MAGI1: variants seen among roughly 807,000 people sequenced by gnomAD.
MAGI1 encodes the protein membrane-associated guanylate kinase, WW and PDZ domain-containing protein 1.
A neutral mutation model predicts 139.9 loss-of-function variants in MAGI1; 58 were observed. That is an observed-to-expected ratio of 0.41 (90% CI 0.34 to 0.52). MAGI1 has a LOEUF of 0.52. MAGI1 is among the 20% of genes least tolerant of loss of function. The pLI, the probability that MAGI1 is intolerant of heterozygous loss-of-function variation, is 0.12. For synonymous variants in MAGI1, 812 were observed against 737.9 expected, an observed-to-expected ratio of 1.10 and a Z score of -1.63; for missense variants, 1,874 against 1,901.6, an observed-to-expected ratio of 0.99 and a Z score of 0.27.
At chr3:65,417,912 A>C (rs772856013) in intron 12 of MAGI1, among the ~76,000 whole-genome samples, 5 of 152,158 alleles carry the variant, frequency 3.3e-5, no homozygotes, top group Non-Finnish European at 7.4e-5. Flanking sequence ...CTATATTTCA[A>C]AGCACTGCTT....
At chr3:65,382,162 T>C in intron 15 of MAGI1, 93 bp from the exon 16 acceptor site, 6 of 1,104,686 alleles carry the variant, frequency 5.4e-6, no homozygotes, top group Non-Finnish European at 6.6e-6. Context: ...ATTCATTCAT[T>C]CATGTCTGCA....
chr3:65,509,132 G>C (rs529556041), intron 2 of MAGI1, among the ~76,000 whole-genome samples: 16 of 151,988 alleles, frequency 1.1e-4, no homozygotes, highest in Admixed American at 8.5e-4. Flanking sequence ...AAGAGTCAAA[G>C]TGTTTAATTG....
At chr3:65,871,095 C>T (rs749031909) in intron 1 of MAGI1, among the ~76,000 whole-genome samples, 2 of 152,006 alleles carry the variant, frequency 1.3e-5, no homozygotes, top group South Asian at 2.1e-4. Context: ...CACACCACCA[C>T]GCCCAGCTAA....
intron 2 of MAGI1, among the ~76,000 whole-genome samples, chr3:65,588,813 A>G (rs1175500286): frequency 6.6e-6 from 1 of 152,234 alleles, no homozygotes; most frequent in Non-Finnish European, 1.5e-5. Flanking sequence ...TTTTTATTGA[A>G]CGAATGATGA....
chr3:66,034,683 T>G (rs969736931), intron 1 of MAGI1, among the ~76,000 whole-genome samples: 12 of 151,982 alleles, frequency 7.9e-5, no homozygotes, highest in African/African-American at 2.7e-4. Context: ...ACTCCAAATG[T>G]CCATAAACAA....
chr3:65,806,695 G>A (rs2040877381), intron 1 of MAGI1, among the ~76,000 whole-genome samples: 1 of 152,032 alleles, frequency 6.6e-6, no homozygotes, highest in Admixed American at 6.6e-5. Context: ...TCAATTTACT[G>A]ATACAAATGA....
chr3:65,447,579 G>C (rs376909794), intron 7 of MAGI1, among the ~76,000 whole-genome samples: 2 of 152,148 alleles, frequency 1.3e-5, no homozygotes, highest in Non-Finnish European at 2.9e-5. Flanking sequence ...CTCCTATAAT[G>C]TTCCTTAAAC....
intron 1 of MAGI1, among the ~76,000 whole-genome samples, chr3:65,883,899 G>A (rs1320219706): frequency 4.6e-5 from 7 of 152,012 alleles, no homozygotes; most frequent in South Asian, 2.1e-4. Context: ...CCTGTTCATC[G>A]AAAGAAATAA....
At chr3:65,366,442 T>C (rs1042559624) in intron 18 of MAGI1, among the ~76,000 whole-genome samples, 24 of 152,216 alleles carry the variant, frequency 1.6e-4, no homozygotes, top group African/African-American at 5.8e-4. Context: ...AAATCTGTTT[T>C]ACCAATCATT....
chr3:65,387,124 GT>G (rs765600521), intron 14 of MAGI1: 2 of 1,605,912 alleles, frequency 1.2e-6, no homozygotes, highest in South Asian at 2.2e-5. Flanking sequence ...AGAGACAAAA[GT>G]TTTCAGCGGA....
rs143682964 is a variant in MAGI1 at position 65,930,283 on chromosome 3, T to C, written c.313+107713A>G. Among the ~76,000 whole-genome samples, 701 of 123,412 alleles carry C rather than the reference T, an allele frequency of 5.7e-3. 5 individuals carry two copies. Among genetic ancestry groups the C allele is most frequent in the African/African-American group, 0.02 (656 of 32,060 alleles). 81.0% of individuals were successfully genotyped at this position (123,412 alleles called of 152,430 possible). A position where few individuals can be genotyped will look rare whatever the true frequency, so the allele number is the denominator to read the frequency against. ...GTGAGCCGAGATAGCGCCACTGCACTCCAGCCTGGGCGAAAGAGCAAGACT... is the reference window on the plus strand; with the variant it reads ...GTGAGCCGAGATAGCGCCACTGCACCCCAGCCTGGGCGAAAGAGCAAGACT... On this transcript the variant is annotated intron_variant, in intron 1 of 22. Transcript: ENST00000402939.
intron 12 of MAGI1, among the ~76,000 whole-genome samples, chr3:65,409,190 T>C (rs553850353): frequency 6.6e-6 from 1 of 152,260 alleles, no homozygotes; most frequent in South Asian, 2.1e-4. Flanking sequence ...TAAAAGTAAA[T>C]CAGACATGGC....
At chr3:65,621,932 C>CAT in intron 2 of MAGI1, 40 bp downstream of exon 2, 2 of 1,423,248 alleles carry the variant, frequency 1.4e-6, no homozygotes, top group Non-Finnish European at 9.9e-7. Flanking sequence ...CACACACACA[C>CAT]ACACACACAG....
At position 65,470,406 on chromosome 3, in the gene MAGI1, G is replaced by A. The variant is rs746131400; in HGVS notation, c.836C>T (p.Pro279Leu). 3.1e-6 allele frequency: 5 copies of A among 1,613,628 alleles called. No homozygotes were observed. The highest frequency in any genetic ancestry group is 4.2e-6 in the Non-Finnish European group (5 of 1,179,808). The change falls in exon 5 of 23, where the codon CCC (proline) becomes CTC (leucine). Residue 279 changes from proline (P) to leucine (L), a missense_variant. Around this residue, in one of 5 missense-constraint regions of MAGI1, gnomAD observed 648 missense variants for 598.1 expected, o/e 1.08. Transcript: ENST00000402939. ...PPVNSSIIAA[P>L]ITDPSQKFPQ... ...GAACTTCTGAGAAGGGTCCGTGATGGGAGCAGCGATGATGCTACTATTCAC... is the reference window on the plus strand; with the variant it reads ...GAACTTCTGAGAAGGGTCCGTGATGAGAGCAGCGATGATGCTACTATTCAC...
intron 1 of MAGI1, among the ~76,000 whole-genome samples, chr3:65,835,344 G>A (rs78544170): frequency 0.01 from 1,541 of 152,248 alleles, 30 homozygotes; most frequent in African/African-American, 0.035. Context: ...TGATAAGGAC[G>A]TTAAAAAATT....
chr3:65,393,675 C>T (rs144875616), intron 13 of MAGI1, among the ~76,000 whole-genome samples: 1 of 152,182 alleles, frequency 6.6e-6, no homozygotes, highest in Non-Finnish European at 1.5e-5. Flanking sequence ...AAGGACCACT[C>T]TCTTTTGGTT....
At chr3:65,476,671 T>G (rs1950909526) in intron 4 of MAGI1, among the ~76,000 whole-genome samples, 1 of 152,238 alleles carries the variant, frequency 6.6e-6, no homozygotes, top group South Asian at 2.1e-4. Context: ...AGAACTGTTT[T>G]GCCGCACACT....
intron 1 of MAGI1, among the ~76,000 whole-genome samples, chr3:65,836,436 G>A (rs1195467195): frequency 3.3e-5 from 5 of 152,132 alleles, no homozygotes; most frequent in South Asian, 2.1e-4. Flanking sequence ...GATAAGGATC[G>A]TGAATAAAGG....
chr3:65,894,373 C>T (rs2060885967), intron 1 of MAGI1, among the ~76,000 whole-genome samples: 1 of 152,130 alleles, frequency 6.6e-6, no homozygotes, highest in South Asian at 2.1e-4. Flanking sequence ...TAAAACATTC[C>T]ATCTAAACTG....
Sources: allele counts gnomAD v4.1 joint callset (sites outside exome capture counted in the v4.1 genomes callset), GRCh38; gene constraint gnomAD v4.1.1; regional missense constraint gnomAD v4.1.1; transcripts MANE v1.5; gene names NCBI Gene and HGNC (gene_info 2026-07-23, HGNC 2026-07-21).